Variants in ITPK1 observed in about 807,000 individuals in gnomAD.
The protein encoded by ITPK1 is inositol 1,3,4-trisphosphate 5/6-kinase.
In ITPK1, 21 loss-of-function variants were observed where a neutral mutation model predicts 45.3. The observed-to-expected ratio is 0.46, with a 90% CI of 0.33 to 0.67. The LOEUF is 0.67. Among genes scored for constraint, ITPK1 ranks in the 30% least tolerant of loss-of-function variants. The probability of loss-of-function intolerance (pLI) is 0.02; values close to 1 mark genes in which losing one functional copy is unlikely to be tolerated. For missense variants in ITPK1, 474 were observed against 573.5 expected, an observed-to-expected ratio of 0.83 and a Z score of 1.77; for synonymous variants, 258 against 253.6, an observed-to-expected ratio of 1.02 and a Z score of -0.16.
At chr14:93,093,504 C>G (rs1392260175) in intron 2 of ITPK1, among the ~76,000 whole-genome samples, 1 of 152,188 alleles carries the variant, frequency 6.6e-6, no homozygotes, top group Non-Finnish European at 1.5e-5. Flanking sequence ...TCCTTTCTTC[C>G]CCCCTCAGCC....
chr14:93,019,695 G>T (rs966111932), intron 3 of ITPK1, among the ~76,000 whole-genome samples: 3 of 152,128 alleles, frequency 2.0e-5, no homozygotes, highest in African/African-American at 7.2e-5. Flanking sequence ...ACAGGCTGCG[G>T]TCTCCCTCCA....
At chr14:93,026,879 T>C (rs1351393612) in intron 3 of ITPK1, among the ~76,000 whole-genome samples, 1 of 152,174 alleles carries the variant, frequency 6.6e-6, no homozygotes, top group Non-Finnish European at 1.5e-5. Context: ...AAAAAAGGGT[T>C]ACACAAAATC....
Position 93,036,445 on chromosome 14 carries a change from C to T in ITPK1, c.121-19644G>A, listed in dbSNP as rs1034503534. On this transcript the variant is annotated intron_variant, in intron 3 of 10. Transcript: ENST00000267615. This position sits in a 1 kb window ranked among gnomAD's most constrained non-coding sequence, Gnocchi z 4.1. ...CAGTATTCACGGCTGCTTTCCCGCA[C>T]GTCAGACACAGCCAACAATGACAAA... 1.3e-5 allele frequency among the ~76,000 whole-genome samples: 2 copies of T among 152,194 alleles called. No individual in the cohort carries two copies. Among genetic ancestry groups the T allele is most frequent in the Admixed American group, 6.5e-5 (1 of 15,290 alleles).
At position 92,940,266 on chromosome 14, in the gene ITPK1, A is replaced by G. The variant is rs1887292883; in HGVS notation, c.*1295T>C. ...TCAAAGTAAACTGCTATCTTAAGAC[A>G]CAAAAACATACTTGTGGGGGCTGAT... is the stretch of plus-strand genomic sequence containing the variant. On this transcript the variant is annotated 3_prime_UTR_variant, in exon 11 of 11. Transcript: ENST00000267615. 2.0e-6 allele frequency: 2 copies of G among 987,760 alleles called. No individual in the cohort carries two copies. The highest frequency in any genetic ancestry group is 2.4e-6 in the Non-Finnish European group (2 of 831,436). The allele number at this position is 987,760 out of a possible 1,614,324, so 61.2% of individuals were successfully genotyped here.
chr14:92,946,886 T>C (rs533103654), intron 9 of ITPK1, among the ~76,000 whole-genome samples: 1 of 152,120 alleles, frequency 6.6e-6, no homozygotes, highest in Non-Finnish European at 1.5e-5. Context: ...AGGAAGGAGA[T>C]GGAGAGTGTG....
At chr14:93,002,834 A>C (rs1887419477) in intron 4 of ITPK1, among the ~76,000 whole-genome samples, 1 of 152,172 alleles carries the variant, frequency 6.6e-6, no homozygotes, top group Admixed American at 6.5e-5. Flanking sequence ...GGCAGAGCTG[A>C]GACTGCAGCT....
intron 3 of ITPK1, among the ~76,000 whole-genome samples, chr14:93,057,934 G>A (rs775400404): frequency 4.6e-5 from 7 of 152,184 alleles, no homozygotes; most frequent in Non-Finnish European, 1.0e-4. Flanking sequence ...ACTGACAGGT[G>A]GGAGAAACCC....
At chr14:93,044,716 G>T (rs892873466) in intron 3 of ITPK1, among the ~76,000 whole-genome samples, 1 of 152,202 alleles carries the variant, frequency 6.6e-6, no homozygotes, top group Non-Finnish European at 1.5e-5. Flanking sequence ...ACAGCAACAC[G>T]GCAGAGAGGG....
chr14:93,046,306 G>A (rs1219364166), intron 3 of ITPK1, among the ~76,000 whole-genome samples: 2 of 152,220 alleles, frequency 1.3e-5, no homozygotes, highest in African/African-American at 4.8e-5. Context: ...ATTCTGAGGA[G>A]GTAGAAACTG....
At chr14:93,052,094 G>A (rs1052531458) in intron 3 of ITPK1, among the ~76,000 whole-genome samples, 3 of 152,148 alleles carry the variant, frequency 2.0e-5, no homozygotes, top group African/African-American at 7.2e-5. Context: ...CAGAGATTTG[G>A]GTGGCAGAGT....
intron 3 of ITPK1, among the ~76,000 whole-genome samples, chr14:93,033,359 G>A (rs1432230479): frequency 6.6e-6 from 1 of 152,202 alleles, no homozygotes; most frequent in Non-Finnish European, 1.5e-5. Context: ...AGAAAAGCTG[G>A]ATCTGCTGCA....
intron 3 of ITPK1, among the ~76,000 whole-genome samples, chr14:93,028,817 G>A (rs553653189): frequency 8.5e-5 from 13 of 152,320 alleles, no homozygotes; most frequent in East Asian, 3.9e-4. Flanking sequence ...TCCCAGGCAC[G>A]ATGATGGGGC....
rs1359726313 is a variant in ITPK1 at position 93,016,067 on chromosome 14, G to A, written c.246+609C>T. Among the ~76,000 whole-genome samples, 1 of 152,190 alleles carries A rather than the reference G, an allele frequency of 6.6e-6. No individual in the cohort carries two copies. The highest frequency in any genetic ancestry group is 1.5e-5 in the Non-Finnish European group (1 of 68,040). On this transcript the variant is annotated intron_variant, in intron 4 of 10. Transcript: ENST00000267615. The surrounding 1 kb of genome is among the most constrained non-coding windows in gnomAD (Gnocchi z 5.0). ...ATCACGTTCTTGTCCACAACAGAGA[G>A]AACACAGGACAAGTCAGTAGCCAGC...
chr14:92,971,363 C>T (rs1350360640), intron 5 of ITPK1, among the ~76,000 whole-genome samples: 1 of 152,224 alleles, frequency 6.6e-6, no homozygotes, highest in East Asian at 1.9e-4. Context: ...AGAACAGCAT[C>T]TGGTTCAGAG....
chr14:93,112,545 T>C (rs1347445859), intron 2 of ITPK1, among the ~76,000 whole-genome samples: 2 of 151,488 alleles, frequency 1.3e-5, no homozygotes, highest in Non-Finnish European at 2.9e-5. Flanking sequence ...GTTCAAGTGA[T>C]TCTCCTGCCT....
chr14:92,982,006 G>A (rs979053504), intron 5 of ITPK1, among the ~76,000 whole-genome samples: 2 of 152,280 alleles, frequency 1.3e-5, no homozygotes, highest in African/African-American at 4.8e-5. Flanking sequence ...TGGCTGCAGT[G>A]TGGAGTGCAG....
At chr14:92,962,633 G>A (rs1046507373) in intron 6 of ITPK1, 118 bp downstream of exon 6, 10 of 845,288 alleles carry the variant, frequency 1.2e-5, no homozygotes, top group African/African-American at 1.7e-5. Flanking sequence ...CCAGGGCCAT[G>A]TGCTCATCCA....
intron 3 of ITPK1, among the ~76,000 whole-genome samples, chr14:93,074,526 G>A (rs1891139826): frequency 6.6e-6 from 1 of 152,214 alleles, no homozygotes; most frequent in African/African-American, 2.4e-5. Context: ...GGGGAAGGCT[G>A]TCTTGCCCTC....
intron 7 of ITPK1, among the ~76,000 whole-genome samples, chr14:92,960,254 C>T (rs1380939287): frequency 6.6e-6 from 1 of 152,146 alleles, no homozygotes; most frequent in African/African-American, 2.4e-5. Context: ...TTTATAGCTT[C>T]CCCTGAGCGT....
Sources: allele counts gnomAD v4.1 joint callset (sites outside exome capture counted in the v4.1 genomes callset), GRCh38; gene constraint gnomAD v4.1.1; non-coding constraint Gnocchi (gnomAD v3.1); transcripts MANE v1.5; gene names NCBI Gene and HGNC (gene_info 2026-07-23, HGNC 2026-07-21).